SIPA1L1: variants seen among roughly 807,000 people sequenced by gnomAD.
The protein encoded by SIPA1L1 is signal induced proliferation associated 1 like 1, also known as signal-induced proliferation-associated 1-like protein 1.
Under a neutral mutation model 162.7 loss-of-function variants are expected in SIPA1L1, and 26 were observed. The ratio of observed to expected loss-of-function variants is 0.16; its 90% CI spans 0.12 to 0.22. The LOEUF is 0.22. Among genes scored for constraint, SIPA1L1 ranks in the 10% least tolerant of loss-of-function variants. SIPA1L1 has a pLI of 1.00. For missense variants in SIPA1L1, 1,874 were observed against 2,241.0 expected (o/e 0.84, Z 3.31); for synonymous variants, 829 against 837.4 (o/e 0.99, Z 0.17).
intron 23 of SIPA1L1, 55 bp from the exon 24 acceptor site, chr14:71,738,963 C>G: frequency 6.4e-7 from 1 of 1,571,832 alleles, no homozygotes; most frequent in African/African-American, 1.4e-5. Flanking sequence ...CTCAGAAGAG[C>G]TGGGCAAGGT....
chr14:71,640,379 G>C (rs1212800180), intron 7 of SIPA1L1, among the ~76,000 whole-genome samples: 2 of 152,110 alleles, frequency 1.3e-5, no homozygotes, highest in African/African-American at 2.4e-5. Flanking sequence ...AAAAAAATTT[G>C]AGAAATTGTA....
intron 2 of SIPA1L1, among the ~76,000 whole-genome samples, chr14:71,484,559 C>G (rs1367599328): frequency 6.6e-6 from 1 of 152,066 alleles, no homozygotes; most frequent in Non-Finnish European, 1.5e-5. Flanking sequence ...TTTTTAGGAA[C>G]TAGGGCCAGA....
rs80214427 is a variant in SIPA1L1 at position 71,337,181 on chromosome 14, C to T, written c.-465+16000C>T. ...TGGTCTCTCCATTTTTGGCCTCTAC[C>T]AGACTATGTCTCTGCCTTCCTATGC... On this transcript the variant is annotated intron_variant, in intron 2 of 23. Coordinates refer to ENST00000381232, the MANE Select transcript of SIPA1L1 (RefSeq NM_001386936.1). Among the ~76,000 whole-genome samples the T allele has an allele frequency of 5.3e-3, 810 of 152,330 alleles. 33 individuals carry two copies. In the East Asian group the frequency reaches 0.099, roughly 19 times the overall value.
chr14:71,714,741 T>A (rs1024441513), intron 17 of SIPA1L1, among the ~76,000 whole-genome samples: 2 of 152,056 alleles, frequency 1.3e-5, no homozygotes, highest in African/African-American at 4.8e-5. Context: ...ACCACTATGC[T>A]AAGCTAATTT....
intron 19 of SIPA1L1, among the ~76,000 whole-genome samples, chr14:71,727,679 C>A (rs2084369219): frequency 6.6e-6 from 1 of 152,188 alleles, no homozygotes; most frequent in Non-Finnish European, 1.5e-5. Flanking sequence ...CATCCCACTC[C>A]ACTGCGATTC....
At chr14:71,476,276 A>G (rs1436647112) in intron 2 of SIPA1L1, among the ~76,000 whole-genome samples, 1 of 152,222 alleles carries the variant, frequency 6.6e-6, no homozygotes, top group African/African-American at 2.4e-5. Flanking sequence ...GAGTTCATGC[A>G]TCTGTTTCCC....
chr14:71,358,123 A>G (rs1594986050), intron 2 of SIPA1L1, among the ~76,000 whole-genome samples: 1 of 152,066 alleles, frequency 6.6e-6, no homozygotes, highest in East Asian at 1.9e-4. Context: ...GGACCTCCCA[A>G]AGTGCTGGGA....
chr14:71,523,488 A>G (rs1320988274), intron 3 of SIPA1L1, among the ~76,000 whole-genome samples: 1 of 152,180 alleles, frequency 6.6e-6, no homozygotes, highest in African/African-American at 2.4e-5. Context: ...AATTATCTAA[A>G]TCAGGTAATT....
intron 4 of SIPA1L1, among the ~76,000 whole-genome samples, chr14:71,559,512 T>C (rs2056614862): frequency 6.6e-6 from 1 of 152,260 alleles, no homozygotes; most frequent in African/African-American, 2.4e-5. Context: ...TGTAAAATAT[T>C]GTCAAGCATT....
intron 7 of SIPA1L1, among the ~76,000 whole-genome samples, chr14:71,635,156 A>G (rs2041008459): frequency 6.6e-6 from 1 of 151,436 alleles, no homozygotes; most frequent in Non-Finnish European, 1.5e-5. Flanking sequence ...GTGGGTGCCT[A>G]TAATCCCAGG....
At chr14:71,472,812 C>T (rs1000982633) in intron 2 of SIPA1L1, among the ~76,000 whole-genome samples, 4 of 130,456 alleles carry the variant, frequency 3.1e-5, no homozygotes, top group Non-Finnish European at 6.3e-5. Flanking sequence ...GGTTATCTTG[C>T]TAATATTACT....
chr14:71,678,693 T>C (rs2045473042), intron 12 of SIPA1L1, among the ~76,000 whole-genome samples: 1 of 152,056 alleles, frequency 6.6e-6, no homozygotes, highest in South Asian at 2.1e-4. Flanking sequence ...TTTCTATTGA[T>C]TGGAAGTTTC....
intron 2 of SIPA1L1, among the ~76,000 whole-genome samples, chr14:71,374,249 T>C (rs893908874): frequency 1.3e-5 from 2 of 152,158 alleles, no homozygotes; most frequent in African/African-American, 4.8e-5. Flanking sequence ...AGGACTGTTT[T>C]TGTAGTATTT....
At chr14:71,480,089 G>GT (rs1204137654) in intron 2 of SIPA1L1, among the ~76,000 whole-genome samples, 4,912 of 143,178 alleles carry the variant, frequency 0.034, 263 homozygotes, top group African/African-American at 0.11. Context: ...TTTGTTTTTT[G>GT]TTTTTTTTTT....
intron 2 of SIPA1L1, among the ~76,000 whole-genome samples, chr14:71,490,712 G>A (rs1281634288): frequency 6.6e-6 from 1 of 152,118 alleles, no homozygotes; most frequent in African/African-American, 2.4e-5. Context: ...AAACACTTGT[G>A]GAAACATTTG....
rs45528235 is a variant in SIPA1L1 at position 71,704,647 on chromosome 14, G to T, written c.3647-575G>T. 3.1e-3 allele frequency: 3,389 copies of T among 1,076,330 alleles called. 12 individuals carry two copies. The highest frequency in any genetic ancestry group is 4.3e-3 in the Non-Finnish European group (2,989 of 695,524). 66.7% of individuals were successfully genotyped at this position (1,076,330 alleles called of 1,614,324 possible). On this transcript the variant is annotated intron_variant, in intron 15 of 23. Coordinates refer to ENST00000381232, the MANE Select transcript of SIPA1L1 (RefSeq NM_001386936.1). ...TCACTTTTGGAACCCCATCTTGAAC[G>T]CCAGCTTGGAGTCCAAAAGGAAGCA...
intron 4 of SIPA1L1, among the ~76,000 whole-genome samples, chr14:71,565,836 C>T (rs2030402368): frequency 6.8e-6 from 1 of 146,700 alleles, no homozygotes; most frequent in Admixed American, 6.9e-5. Flanking sequence ...AAAAAAAATC[C>T]TTCCAAAAAA....
intron 3 of SIPA1L1, among the ~76,000 whole-genome samples, chr14:71,520,529 C>T (rs894184977): frequency 1.3e-5 from 2 of 152,148 alleles, no homozygotes; most frequent in African/African-American, 4.8e-5. Context: ...TGAAGTGTCA[C>T]TCTGGAAGCC....
At chr14:71,622,986 T>A (rs1047031820) in intron 6 of SIPA1L1, among the ~76,000 whole-genome samples, 3 of 152,246 alleles carry the variant, frequency 2.0e-5, no homozygotes, top group Non-Finnish European at 4.4e-5. Context: ...CCTTTGCTCA[T>A]GTTGTCTCTT....
Sources: gnomAD v4.1 joint callset for allele counts (sites outside exome capture counted in the v4.1 genomes callset) on GRCh38, gnomAD v4.1.1 for gene constraint, MANE v1.5 for transcripts, NCBI Gene and HGNC (gene_info 2026-07-23, HGNC 2026-07-21) for gene names.